RBFOX3: variants seen among roughly 807,000 people sequenced by gnomAD.
The protein encoded by RBFOX3 is RNA binding protein fox-1 homolog 3.
A neutral mutation model predicts 48.7 loss-of-function variants in RBFOX3; 17 were observed. The observed-to-expected ratio is 0.35, with a 90% CI of 0.24 to 0.52. The LOEUF (loss-of-function observed/expected upper bound fraction) is 0.52. Ranked by LOEUF, RBFOX3 falls within the 20% of genes least tolerant of loss-of-function variation. The pLI is 0.94. For missense variants in RBFOX3, 382 were observed against 497.5 expected (o/e 0.77, Z 2.21); for synonymous variants, 212 against 209.5 (o/e 1.01, Z -0.10).
intron 1 of RBFOX3, among the ~76,000 whole-genome samples, chr17:79,528,730 G>A (rs1317830857): frequency 5.9e-5 from 9 of 152,184 alleles, no homozygotes; most frequent in East Asian, 1.9e-4. Flanking sequence ...GGCAGCCACC[G>A]TCACGGAGCA....
At chr17:79,382,415 GGCAAAAAGTGTACTTTCCCAAGA>G (rs2060037156) in intron 2 of RBFOX3, among the ~76,000 whole-genome samples, 1 of 152,216 alleles carries the variant, frequency 6.6e-6, no homozygotes, top group Non-Finnish European at 1.5e-5. Flanking sequence ...TCATGACAGT[GGCAAAAAGTGTACTTTCCCAAGA>G]GCAGCCTGTG....
intron 4 of RBFOX3, among the ~76,000 whole-genome samples, chr17:79,188,059 G>A (rs1178312083): frequency 2.0e-5 from 3 of 152,228 alleles, no homozygotes; most frequent in African/African-American, 7.2e-5. Context: ...CAGAAAAGCC[G>A]GCAGAGGGTC....
intron 2 of RBFOX3, among the ~76,000 whole-genome samples, chr17:79,326,037 A>T (rs1187312490): frequency 2.0e-5 from 3 of 152,152 alleles, no homozygotes; most frequent in Non-Finnish European, 4.4e-5. Flanking sequence ...GAGATATTCT[A>T]ATCAGGCATC....
At chr17:79,183,110 C>T (rs1437346887) in intron 4 of RBFOX3, among the ~76,000 whole-genome samples, 4 of 147,822 alleles carry the variant, frequency 2.7e-5, no homozygotes, top group Non-Finnish European at 4.5e-5. Flanking sequence ...GCGCAGTTCC[C>T]CCTACCCCAG....
intron 2 of RBFOX3, among the ~76,000 whole-genome samples, chr17:79,450,560 G>A (rs571315650): frequency 6.6e-6 from 1 of 151,152 alleles, no homozygotes; most frequent in South Asian, 2.1e-4. Context: ...TTTATATTAT[G>A]ATGGGCTTAT....
intron 1 of RBFOX3, among the ~76,000 whole-genome samples, chr17:79,522,114 G>A (rs932090224): frequency 8.5e-4 from 130 of 152,314 alleles, no homozygotes; most frequent in African/African-American, 3.1e-3. Flanking sequence ...TAAAATGTGT[G>A]GTTGCCTCTA....
intron 2 of RBFOX3, among the ~76,000 whole-genome samples, chr17:79,369,762 T>A (rs1241364156): frequency 2.0e-5 from 3 of 152,072 alleles, no homozygotes; most frequent in African/African-American, 7.2e-5. Flanking sequence ...CAGCTCAGGC[T>A]CTCTCTGCAG....
intron 3 of RBFOX3, among the ~76,000 whole-genome samples, chr17:79,283,591 C>T (rs116043942): frequency 4.3e-4 from 66 of 152,322 alleles, no homozygotes; most frequent in African/African-American, 1.3e-3. Flanking sequence ...TAAAAGTACA[C>T]GGAATCATGG....
intron 2 of RBFOX3, among the ~76,000 whole-genome samples, chr17:79,379,184 C>T (rs527860805): frequency 4.6e-5 from 7 of 152,320 alleles, no homozygotes; most frequent in African/African-American, 1.2e-4. Context: ...GCCAGCCATG[C>T]GCTTGCTTAT....
intron 1 of RBFOX3, among the ~76,000 whole-genome samples, chr17:79,556,507 G>A (rs2091772065): frequency 6.6e-6 from 1 of 152,134 alleles, no homozygotes. Flanking sequence ...GGGAGGAAGT[G>A]TTGATTTTAA....
At chr17:79,369,185 T>C (rs1235823657) in intron 2 of RBFOX3, among the ~76,000 whole-genome samples, 2 of 152,118 alleles carry the variant, frequency 1.3e-5, no homozygotes, top group Admixed American at 6.5e-5. Context: ...CGGGCAACTC[T>C]GGGTGGGGAG....
At chr17:79,366,688 A>G (rs576772561) in intron 2 of RBFOX3, among the ~76,000 whole-genome samples, 1 of 152,298 alleles carries the variant, frequency 6.6e-6, no homozygotes, top group African/African-American at 2.4e-5. Context: ...GGATGAATGC[A>G]GGGCCCCAGC....
intron 4 of RBFOX3, among the ~76,000 whole-genome samples, chr17:79,163,835 C>T (rs1305755772): frequency 6.6e-6 from 1 of 152,192 alleles, no homozygotes. Context: ...CTGTGGGTGT[C>T]TCTGGGCCAG....
At chr17:79,459,027 T>G (rs1454137284) in intron 2 of RBFOX3, among the ~76,000 whole-genome samples, 1 of 152,154 alleles carries the variant, frequency 6.6e-6, no homozygotes, top group Non-Finnish European at 1.5e-5. Context: ...TTCGTCCTTC[T>G]CAGGGTCTCC....
intron 2 of RBFOX3, among the ~76,000 whole-genome samples, chr17:79,434,511 G>A (rs6501303): frequency 0.059 from 8,968 of 152,206 alleles, 361 homozygotes; most frequent in African/African-American, 0.12. Flanking sequence ...TCCATGAAGC[G>A]AGTTGGGATT....
chr17:79,489,758 C>T (rs1168002270), intron 1 of RBFOX3, among the ~76,000 whole-genome samples: 5 of 152,192 alleles, frequency 3.3e-5, no homozygotes, highest in African/African-American at 1.2e-4. Flanking sequence ...ACACTAGCTT[C>T]TCCCTGGGTG....
In RBFOX3 at chr17:79,103,212, G is replaced by T; in HGVS notation, c.457C>A (p.Arg153=). The change falls in exon 8 of 15, where the codon CGA becomes AGA. Residue 153 remains arginine, a synonymous_variant. Transcript: ENST00000693108. This position sits in a 1 kb window ranked among gnomAD's most constrained non-coding sequence, Gnocchi z 6.1. ...VTFETSSDAD[R]AREKLNGTIV... is the part of the protein sequence containing the mutation. ...GTCCCATTCAGCTTCTCCCGGGCTC[G>T]GTCAGCATCTGAGCTAGTTTCAAAA... is the stretch of plus-strand genomic sequence containing the variant. 6.4e-7 allele frequency: 1 copy of T among 1,551,364 alleles called. No individual in the cohort carries two copies. Among genetic ancestry groups the T allele is most frequent in the South Asian group, 1.2e-5 (1 of 84,054 alleles).
At chr17:79,152,003 C>T (rs77481768) in intron 4 of RBFOX3, among the ~76,000 whole-genome samples, 71,974 of 100,796 alleles carry the variant, frequency 0.71, 28,046 homozygotes, top group Non-Finnish European at 0.73. Flanking sequence ...CCCCCTGTCC[C>T]GCAGGGGAGA....
chr17:79,623,922 C>T, the RBFOX3 span, among the ~76,000 whole-genome samples: 3 of 151,770 alleles, frequency 2.0e-5, no homozygotes, highest in Admixed American at 2.0e-4. Context: ...GCTGGCTCCG[C>T]AGGGTGAGGG....
Sources: allele counts gnomAD v4.1 joint callset (sites outside exome capture counted in the v4.1 genomes callset), GRCh38; gene constraint gnomAD v4.1.1; non-coding constraint Gnocchi (gnomAD v3.1); transcripts MANE v1.5; gene names NCBI Gene and HGNC (gene_info 2026-07-23, HGNC 2026-07-21).